MALRD1: variants seen among roughly 807,000 people sequenced by gnomAD.
MALRD1 encodes the protein MAM and LDL-receptor class A domain-containing protein 1.
A neutral mutation model predicts 242.1 loss-of-function variants in MALRD1; 247 were observed. The observed-to-expected ratio is 1.02, with a 90% CI of 0.92 to 1.13. The LOEUF is 1.13. MALRD1 is among the 50% of genes most tolerant of loss of function. The pLI is 0.00. For missense variants in MALRD1, 2,989 were observed against 2,533.1 expected (o/e 1.18, Z -3.86); for synonymous variants, 995 against 866.6 (o/e 1.15, Z -2.60).
intron 5 of MALRD1, among the ~76,000 whole-genome samples, chr10:19,108,388 T>TTTC (rs1836550965): frequency 1.3e-4 from 1 of 7,778 alleles, no homozygotes. Context: ...TTGTTTTTTC[T>TTTC]TTTTTTTTTT....
chr10:19,480,189 C>T (rs6481942), intron 29 of MALRD1, among the ~76,000 whole-genome samples: 131,204 of 152,212 alleles, frequency 0.86, 56,714 homozygotes, highest in East Asian at 1. Flanking sequence ...GAATGATAAA[C>T]TAGGAGGCAA....
chr10:19,223,911 G>T (rs1164867454), intron 18 of MALRD1, among the ~76,000 whole-genome samples: 3 of 152,140 alleles, frequency 2.0e-5, no homozygotes, highest in African/African-American at 4.8e-5. Flanking sequence ...GTATTCCACG[G>T]TGTATATGTG....
chr10:19,395,222 T>A (rs1846524462), intron 28 of MALRD1, among the ~76,000 whole-genome samples: 2 of 152,126 alleles, frequency 1.3e-5, no homozygotes, highest in African/African-American at 4.8e-5. Flanking sequence ...ATTTAGGAAG[T>A]TTATTTTCCC....
chr10:19,360,186 T>C (rs1844829445), intron 26 of MALRD1, among the ~76,000 whole-genome samples: 1 of 152,082 alleles, frequency 6.6e-6, no homozygotes, highest in Non-Finnish European at 1.5e-5. Context: ...GTAGGGGGTA[T>C]ACTTTGTTTA....
chr10:19,208,868 G>T (rs1006915597), intron 17 of MALRD1, among the ~76,000 whole-genome samples: 7 of 152,134 alleles, frequency 4.6e-5, no homozygotes, highest in African/African-American at 1.7e-4. Context: ...TTCAGTGTTT[G>T]TTTGTTTTTT....
At chr10:19,403,187 G>A (rs1401042283) in intron 28 of MALRD1, among the ~76,000 whole-genome samples, 1 of 152,056 alleles carries the variant, frequency 6.6e-6, no homozygotes, top group East Asian at 1.9e-4. Context: ...TAGTTTTGTA[G>A]TCCTGATTTA....
At chr10:19,158,866 A>G (rs879713382) in intron 12 of MALRD1, among the ~76,000 whole-genome samples, 1 of 152,256 alleles carries the variant, frequency 6.6e-6, no homozygotes, top group Non-Finnish European at 1.5e-5. Context: ...CAATGTCCCC[A>G]AAGTAGGACA....
chr10:19,591,911 A>G (rs1837809100), intron 33 of MALRD1, among the ~76,000 whole-genome samples: 1 of 152,256 alleles, frequency 6.6e-6, no homozygotes, highest in South Asian at 2.1e-4. Flanking sequence ...AACCACTTAT[A>G]TCAAAAAGTA....
chr10:19,227,404 A>G (rs1014223745), intron 18 of MALRD1, among the ~76,000 whole-genome samples: 3 of 152,122 alleles, frequency 2.0e-5, no homozygotes, highest in African/African-American at 4.8e-5. Context: ...AGATGGTACT[A>G]TTAAAATTGG....
chr10:19,496,348 C>A lies in MALRD1; in HGVS notation c.5159-2137C>A, dbSNP rs138255543. On this transcript the variant is annotated intron_variant, in intron 30 of 39. Coordinates refer to ENST00000454679, the MANE Select transcript of MALRD1 (RefSeq NM_001142308.3). ...CAATCCTCAGCAAATTCCAAAAAAA[C>A]AAAATTATACCAACCATCACAGCAC... 2.8e-3 allele frequency among the ~76,000 whole-genome samples: 431 copies of A among 152,148 alleles called. 3 individuals are homozygous for A. Among genetic ancestry groups the A allele is most frequent in the African/African-American group, 1.0e-2 (413 of 41,506 alleles).
At chr10:19,708,631 C>A (rs1439618356) in intron 38 of MALRD1, among the ~76,000 whole-genome samples, 1 of 118,030 alleles carries the variant, frequency 8.5e-6, no homozygotes, top group Non-Finnish European at 1.9e-5. Flanking sequence ...TGTGCCTGAG[C>A]CGCCGTGCCT....
chr10:19,530,387 T>A (rs867503292), intron 31 of MALRD1, among the ~76,000 whole-genome samples: 7 of 76,802 alleles, frequency 9.1e-5, no homozygotes, highest in South Asian at 4.0e-4. Flanking sequence ...AAATATTATA[T>A]ATTTATATAA....
In MALRD1 at chr10:19,332,753, G is replaced by A. The variant is rs369136535; in HGVS notation, c.3901+1171G>A. 9.3e-4 allele frequency among the ~76,000 whole-genome samples: 142 copies of A among 152,274 alleles called. 1 individual carries two copies. Among genetic ancestry groups the A allele is most frequent in the African/African-American group, 3.3e-3 (139 of 41,568 alleles). Reference sequence around the variant, plus strand: ...TCTTCATTTGAACTTCAGAAGTCTTGAGAGGTACATGGGAAAGATATTATT... The same window carrying A: ...TCTTCATTTGAACTTCAGAAGTCTTAAGAGGTACATGGGAAAGATATTATT... On this transcript the variant is annotated intron_variant, in intron 24 of 39. Coordinates refer to ENST00000454679, the MANE Select transcript of MALRD1 (RefSeq NM_001142308.3).
chr10:19,586,204 C>T (rs893224400), intron 33 of MALRD1, among the ~76,000 whole-genome samples: 3 of 152,184 alleles, frequency 2.0e-5, no homozygotes, highest in South Asian at 2.1e-4. Context: ...ATTTGATCGT[C>T]TGAAGCCTTC....
At chr10:19,534,094 A>AGGTACCT (rs1834544194) in intron 32 of MALRD1, among the ~76,000 whole-genome samples, 1 of 152,204 alleles carries the variant, frequency 6.6e-6, no homozygotes, top group Non-Finnish European at 1.5e-5. Flanking sequence ...AGAAACAGAA[A>AGGTACCT]GGTACCTGCT....
In MALRD1 at chr10:19,195,236, G is replaced by T. The variant is rs562569307; in HGVS notation, c.1952-8492G>T. Reference sequence around the variant, plus strand: ...ATGGGGATTACTAAAAGCAATATTTGCAGGTAACCACATTTTCCATTTCCT... The same window carrying T: ...ATGGGGATTACTAAAAGCAATATTTTCAGGTAACCACATTTTCCATTTCCT... On this transcript the variant is annotated intron_variant, in intron 14 of 39. Transcript: ENST00000454679. Among the ~76,000 whole-genome samples the T allele has an allele frequency of 8.5e-5, 13 of 152,290 alleles. No homozygotes were observed. In the East Asian group the frequency reaches 1.5e-3, roughly 18 times the overall value.
intron 19 of MALRD1, among the ~76,000 whole-genome samples, chr10:19,272,091 A>C (rs1044072883): frequency 6.6e-6 from 1 of 152,094 alleles, no homozygotes. Context: ...TATTTATATA[A>C]ATTAGATTAT....
intron 21 of MALRD1, among the ~76,000 whole-genome samples, chr10:19,318,199 C>T (rs78568719): frequency 0.017 from 2,632 of 152,064 alleles, 76 homozygotes; most frequent in African/African-American, 0.06. Flanking sequence ...TGCAATTCTT[C>T]ATTTTTCCAT....
At chr10:19,203,991 T>G (rs904914090) in intron 15 of MALRD1, 111 bp downstream of exon 15, 85 of 1,280,076 alleles carry the variant, frequency 6.6e-5, no homozygotes, top group Non-Finnish European at 9.3e-5. Context: ...AACAGTCAGA[T>G]AGTTGAATAT....
Sources: gnomAD v4.1 joint callset for allele counts (sites outside exome capture counted in the v4.1 genomes callset) on GRCh38, gnomAD v4.1.1 for gene constraint, MANE v1.5 for transcripts, NCBI Gene and HGNC (gene_info 2026-07-23, HGNC 2026-07-21) for gene names.